Variants in RALGPS2 observed in about 807,000 individuals in gnomAD.
The protein encoded by RALGPS2 is Ral GEF with PH domain and SH3 binding motif 2.
A neutral mutation model predicts 86.8 loss-of-function variants in RALGPS2; 43 were observed. The ratio of observed to expected loss-of-function variants is 0.50; its 90% CI spans 0.39 to 0.64. The LOEUF (loss-of-function observed/expected upper bound fraction) is 0.64. RALGPS2 is among the 30% of genes least tolerant of loss of function. The pLI is 0.00. For missense variants in RALGPS2, 536 were observed against 694.6 expected (o/e 0.77, Z 2.57); for synonymous variants, 243 against 231.3 (o/e 1.05, Z -0.46).
At chr1:178,747,498 C>G in intron 1 of RALGPS2, 1 of 1,609,226 alleles carries the variant, frequency 6.2e-7, no homozygotes, top group East Asian at 2.2e-5. Context: ...AATTCTTTCT[C>G]CATAATGCGG....
At chr1:178,781,512 T>C (rs891125472) in intron 2 of RALGPS2, among the ~76,000 whole-genome samples, 1 of 152,204 alleles carries the variant, frequency 6.6e-6, no homozygotes, top group Non-Finnish European at 1.5e-5. Flanking sequence ...TGAACATTAT[T>C]GCTTAGTGTC....
At chr1:178,754,406 G>A (rs552659786) in intron 1 of RALGPS2, among the ~76,000 whole-genome samples, 99 of 152,276 alleles carry the variant, frequency 6.5e-4, no homozygotes, top group African/African-American at 2.3e-3. Flanking sequence ...GTGAAGGCCT[G>A]AAAAGCAGGA....
At chr1:178,835,595 ATTGG>A (rs537454757) in intron 8 of RALGPS2, among the ~76,000 whole-genome samples, 84 of 151,552 alleles carry the variant, frequency 5.5e-4, no homozygotes, top group African/African-American at 2.0e-3. Context: ...GTTTCACCAT[ATTGG>A]CCAGGCTAGT....
rs75631226 is a variant in RALGPS2 at position 178,907,224 on chromosome 1, A to G, written c.1722+357A>G. Reference sequence around the variant, plus strand: ...CCACAAGAAGGAACGAGCTATAAGAAGAGGAGAGCAGAGTGCTGTGTAAGG... The same window carrying G: ...CCACAAGAAGGAACGAGCTATAAGAGGAGGAGAGCAGAGTGCTGTGTAAGG... On this transcript the variant is annotated intron_variant, in intron 19 of 19. Transcript: ENST00000367635. Among the ~76,000 whole-genome samples, 925 of 152,308 alleles carry G rather than the reference A, an allele frequency of 6.1e-3. 9 individuals carry two copies. Among genetic ancestry groups the G allele is most frequent in the African/African-American group, 0.021 (884 of 41,560 alleles).
At chr1:178,806,795 C>G (rs1010566878) in intron 4 of RALGPS2, among the ~76,000 whole-genome samples, 22 of 152,084 alleles carry the variant, frequency 1.4e-4, no homozygotes, top group Non-Finnish European at 2.9e-5. Context: ...TCTATTTCCT[C>G]AGTTCTTTTT....
chr1:178,758,903 T>C (rs1652090476), intron 1 of RALGPS2, among the ~76,000 whole-genome samples: 1 of 152,204 alleles, frequency 6.6e-6, no homozygotes, highest in South Asian at 2.1e-4. Context: ...TTTTGCCCAT[T>C]TAAAAAATCA....
chr1:178,901,050 T>C (rs1395200647), intron 17 of RALGPS2, among the ~76,000 whole-genome samples: 7 of 152,096 alleles, frequency 4.6e-5, no homozygotes, highest in Non-Finnish European at 1.0e-4. Context: ...TTCACAGTAG[T>C]AAAACTTACT....
chr1:178,916,281 CT>C, intron 19 of RALGPS2, 48 bp from the exon 20 acceptor site: 1 of 1,468,186 alleles, frequency 6.8e-7, no homozygotes, highest in Non-Finnish European at 9.5e-7. Flanking sequence ...AGAAATACTC[CT>C]TTGAAAAACA....
Position 178,918,275 on chromosome 1 carries a change from C to A in RALGPS2, c.*1916C>A, listed in dbSNP as rs1442148462. ...GTATTACTACGTAGACCTTGCACAT[C>A]TTACTTTTGTTTTGCATTTTTAAAA... On this transcript the variant is annotated 3_prime_UTR_variant, in exon 20 of 20. Coordinates refer to ENST00000367635, the MANE Select transcript of RALGPS2 (RefSeq NM_152663.5). 1 of 152,130 alleles carries A rather than the reference C, an allele frequency of 6.6e-6. No homozygotes were observed. The highest frequency in any genetic ancestry group is 1.5e-5 in the Non-Finnish European group (1 of 67,994). The allele number at this position is 152,130 out of a possible 1,614,324, so 9.4% of individuals were successfully genotyped here. A position where few individuals can be genotyped will look rare whatever the true frequency, so the allele number is the denominator to read the frequency against.
intron 9 of RALGPS2, among the ~76,000 whole-genome samples, chr1:178,878,035 G>A (rs965826103): frequency 6.6e-5 from 10 of 151,940 alleles, no homozygotes; most frequent in Admixed American, 5.2e-4. Flanking sequence ...TGATCTCCCT[G>A]ATCTATTATG....
At chr1:178,843,983 A>G (rs192740106) in intron 8 of RALGPS2, among the ~76,000 whole-genome samples, 1 of 152,206 alleles carries the variant, frequency 6.6e-6, no homozygotes, top group South Asian at 2.1e-4. Context: ...TATTTAATCT[A>G]TTAAAACATA....
chr1:178,868,358 A>T (rs986648951), intron 8 of RALGPS2, among the ~76,000 whole-genome samples: 4 of 151,912 alleles, frequency 2.6e-5, no homozygotes, highest in African/African-American at 9.7e-5. Flanking sequence ...CTATATATTT[A>T]ATTTAACTTA....
chr1:178,788,800 CT>C (rs1653795419), intron 4 of RALGPS2, among the ~76,000 whole-genome samples: 1 of 149,268 alleles, frequency 6.7e-6, no homozygotes, highest in Non-Finnish European at 1.5e-5. Flanking sequence ...CTCTTCTTTT[CT>C]TTCTTTCTTT....
intron 8 of RALGPS2, chr1:178,850,088 G>A (rs932020511): frequency 1.3e-5 from 2 of 152,646 alleles, no homozygotes; most frequent in African/African-American, 4.8e-5. Flanking sequence ...TTTGGACTAA[G>A]CTATGCCCCT....
intron 8 of RALGPS2, among the ~76,000 whole-genome samples, chr1:178,846,380 T>C (rs1656865917): frequency 6.6e-6 from 1 of 152,174 alleles, no homozygotes. Flanking sequence ...TGTTATATAT[T>C]GTATACTAAA....
chr1:178,816,372 G>C (rs575400033), intron 6 of RALGPS2, among the ~76,000 whole-genome samples: 130 of 151,708 alleles, frequency 8.6e-4, no homozygotes, highest in Non-Finnish European at 1.3e-3. Context: ...TGGACCATTT[G>C]GATATTTTGT....
chr1:178,761,518 G>T (rs1211429371), intron 1 of RALGPS2, among the ~76,000 whole-genome samples: 1 of 151,854 alleles, frequency 6.6e-6, no homozygotes, highest in African/African-American at 2.4e-5. Context: ...TCTTTCTTCT[G>T]TTTGGTTCAG....
chr1:178,737,448 A>G (rs1423279621), intron 1 of RALGPS2, among the ~76,000 whole-genome samples: 1 of 152,002 alleles, frequency 6.6e-6, no homozygotes, highest in Non-Finnish European at 1.5e-5. Flanking sequence ...GGGTTTCACC[A>G]TCTTGGCCAG....
At chr1:178,726,066 C>CTT (rs1649981454) in intron 1 of RALGPS2, 3 of 152,388 alleles carry the variant, frequency 2.0e-5, no homozygotes, top group Non-Finnish European at 4.4e-5. Flanking sequence ...GCAGGGGCCG[C>CTT]AGCCCCAGGT....
Sources: gnomAD v4.1 joint callset for allele counts (sites outside exome capture counted in the v4.1 genomes callset) on GRCh38, gnomAD v4.1.1 for gene constraint, MANE v1.5 for transcripts, NCBI Gene and HGNC (gene_info 2026-07-23, HGNC 2026-07-21) for gene names.